SNX29: variants seen among roughly 807,000 people sequenced by gnomAD.
The protein encoded by SNX29 is sorting nexin-29.
Under a neutral mutation model 102.1 loss-of-function variants are expected in SNX29, and 78 were observed. The observed-to-expected ratio is 0.76, with a 90% CI of 0.64 to 0.92. The LOEUF (loss-of-function observed/expected upper bound fraction) is 0.92. Among genes scored for constraint, SNX29 ranks in the 40% least tolerant of loss-of-function variants. The pLI is 0.00. For synonymous variants in SNX29, 580 were observed against 414.5 expected, an observed-to-expected ratio of 1.40 and a Z score of -4.85; for missense variants, 1,280 against 1,061.7, an observed-to-expected ratio of 1.21 and a Z score of -2.86.
chr16:12,315,653 A>G (rs1440539406), intron 15 of SNX29, among the ~76,000 whole-genome samples: 2 of 152,214 alleles, frequency 1.3e-5, no homozygotes, highest in Non-Finnish European at 2.9e-5. Context: ...AGGAGAAACC[A>G]ACCCTGCTGG....
intron 13 of SNX29, among the ~76,000 whole-genome samples, chr16:12,172,532 C>T (rs2076172311): frequency 1.3e-5 from 2 of 152,164 alleles, no homozygotes; most frequent in Non-Finnish European, 2.9e-5. Flanking sequence ...CACCATCATT[C>T]ACCTCTCTGG....
chr16:12,339,093 C>A (rs940076948), intron 15 of SNX29, among the ~76,000 whole-genome samples: 6 of 152,150 alleles, frequency 3.9e-5, no homozygotes, highest in Non-Finnish European at 8.8e-5. Context: ...GGCAGCCGGG[C>A]ATGGTGGCTC....
At chr16:12,460,936 C>T (rs1443684116) in intron 18 of SNX29, among the ~76,000 whole-genome samples, 1 of 152,190 alleles carries the variant, frequency 6.6e-6, no homozygotes, top group East Asian at 1.9e-4. Context: ...CCACCGTACC[C>T]AGCCAAATGT....
chr16:12,067,592 A>G (rs2051094376), intron 9 of SNX29, among the ~76,000 whole-genome samples: 1 of 152,170 alleles, frequency 6.6e-6, no homozygotes, highest in African/African-American at 2.4e-5. Flanking sequence ...GGTTCAAGCA[A>G]TTCTTCCACC....
intron 1 of SNX29, among the ~76,000 whole-genome samples, chr16:11,986,433 A>G (rs1053834694): frequency 2.0e-5 from 3 of 151,906 alleles, no homozygotes; most frequent in African/African-American, 4.8e-5. Flanking sequence ...GTGAAAACAG[A>G]ATATACCTTT....
Position 12,288,022 on chromosome 16 carries a change from C to CA in SNX29, c.1782+9995dup, listed in dbSNP as rs900949663. Among the ~76,000 whole-genome samples the CA allele has an allele frequency of 5.3e-5, 8 of 152,010 alleles. No homozygotes were observed. The Middle Eastern group carries it at 0.014, about 260-fold the overall frequency. ...GCAATGTAGTGAGACCCTGTAATTA[C>CA]AAAAAAAAATTTTTTTAACTAGCTG... On this transcript the variant is annotated intron_variant, in intron 15 of 20. Coordinates refer to ENST00000566228, the MANE Select transcript of SNX29 (RefSeq NM_032167.5).
intron 15 of SNX29, among the ~76,000 whole-genome samples, chr16:12,347,392 C>T (rs1006072242): frequency 3.9e-5 from 6 of 151,990 alleles, no homozygotes; most frequent in Admixed American, 6.5e-5. Context: ...ACAGCAGAAC[C>T]AAAGCAAAAT....
At chr16:12,124,712 T>G (rs2054129379) in intron 11 of SNX29, among the ~76,000 whole-genome samples, 1 of 152,232 alleles carries the variant, frequency 6.6e-6, no homozygotes, top group Non-Finnish European at 1.5e-5. Context: ...TGTGGATGAA[T>G]CCATCCTGTC....
chr16:12,543,414 A>G (rs1470808802), intron 20 of SNX29, among the ~76,000 whole-genome samples: 2 of 152,160 alleles, frequency 1.3e-5, no homozygotes, highest in Non-Finnish European at 2.9e-5. Context: ...GATTCACTGA[A>G]AGGAGAGAAA....
At chr16:12,155,619 C>G (rs2055513832) in intron 13 of SNX29, among the ~76,000 whole-genome samples, 1 of 152,172 alleles carries the variant, frequency 6.6e-6, no homozygotes, top group African/African-American at 2.4e-5. Flanking sequence ...CTAGCTGCCT[C>G]TTGAGGGCAG....
chr16:12,462,183 C>T (rs762214103), intron 18 of SNX29, among the ~76,000 whole-genome samples: 30 of 151,446 alleles, frequency 2.0e-4, no homozygotes, highest in Admixed American at 4.0e-4. Context: ...AGCGAGCTCT[C>T]AGTCCTGGCC....
chr16:12,070,334 C>T (rs868724602), intron 10 of SNX29, among the ~76,000 whole-genome samples: 1 of 123,112 alleles, frequency 8.1e-6, no homozygotes, highest in Non-Finnish European at 1.7e-5. Flanking sequence ...CCCCTCCCCC[C>T]ACCCCACAAC....
chr16:12,210,279 C>A (rs1052550377), intron 14 of SNX29, among the ~76,000 whole-genome samples: 1 of 150,532 alleles, frequency 6.6e-6, no homozygotes, highest in Non-Finnish European at 1.5e-5. Flanking sequence ...GAGGCTGGGG[C>A]TGGGGCTCCT....
intron 14 of SNX29, among the ~76,000 whole-genome samples, chr16:12,224,733 T>A (rs2077566393): frequency 6.6e-6 from 1 of 152,190 alleles, no homozygotes; most frequent in South Asian, 2.1e-4. Context: ...TTTGTTTGGA[T>A]AGTAAGCAGG....
intron 11 of SNX29, among the ~76,000 whole-genome samples, chr16:12,109,485 A>C (rs568682317): frequency 6.6e-6 from 1 of 152,282 alleles, no homozygotes; most frequent in East Asian, 1.9e-4. Flanking sequence ...CAGTACTGCT[A>C]CTGGGGCTTA....
chr16:12,167,703 C>G (rs1321807665), intron 13 of SNX29, among the ~76,000 whole-genome samples: 1 of 152,078 alleles, frequency 6.6e-6, no homozygotes, highest in Non-Finnish European at 1.5e-5. Flanking sequence ...GATGTGGGAC[C>G]AAGGCACAAA....
chr16:12,431,869 ATTCATTCTTTCT>A (rs2085330857), intron 18 of SNX29, among the ~76,000 whole-genome samples: 1 of 152,036 alleles, frequency 6.6e-6, no homozygotes, highest in African/African-American at 2.4e-5. Context: ...TTGTTCTTTC[ATTCATTCTTTCT>A]TTCAGCTAAC....
chr16:12,467,351 GCGAAGATCCATGCTCTCCTTTT>G (rs2087102348), intron 18 of SNX29, among the ~76,000 whole-genome samples: 1 of 152,208 alleles, frequency 6.6e-6, no homozygotes, highest in African/African-American at 2.4e-5. Flanking sequence ...GCTCACTAGG[GCGAAGATCCATGCTCTCCTTTT>G]CCTTTTCCAA....
chr16:12,284,734 C>CTT (rs935648559), intron 15 of SNX29, among the ~76,000 whole-genome samples: 23 of 135,356 alleles, frequency 1.7e-4, no homozygotes, highest in African/African-American at 6.0e-4. Context: ...TTTTTTTTTT[C>CTT]TTTTTTTTGA....
Sources: gnomAD v4.1 joint callset for allele counts (sites outside exome capture counted in the v4.1 genomes callset) on GRCh38, gnomAD v4.1.1 for gene constraint, MANE v1.5 for transcripts, NCBI Gene and HGNC (gene_info 2026-07-23, HGNC 2026-07-21) for gene names.